The following CTTNBP2 variants were observed in gnomAD, a reference collection of about 807,000 sequenced individuals.
The protein encoded by CTTNBP2 is cortactin binding protein 2.
Under a neutral mutation model 156.9 loss-of-function variants are expected in CTTNBP2, and 108 were observed. That is an observed-to-expected ratio of 0.69 (90% CI 0.59 to 0.81). The LOEUF is 0.81. CTTNBP2 is among the 30% of genes least tolerant of loss of function. CTTNBP2 has a pLI of 0.00. For synonymous variants in CTTNBP2, 767 were observed against 751.8 expected (o/e 1.02, Z -0.33); for missense variants, 1,924 against 2,035.4 (o/e 0.95, Z 1.05).
At chr7:117,813,516 T>C (rs936163745) in intron 2 of CTTNBP2, among the ~76,000 whole-genome samples, 1 of 152,146 alleles carries the variant, frequency 6.6e-6, no homozygotes, top group African/African-American at 2.4e-5. Flanking sequence ...ACTTCCCTAT[T>C]GAACAGGACC....
At chr7:117,808,510 G>A (rs1035705064) in intron 3 of CTTNBP2, among the ~76,000 whole-genome samples, 2 of 152,164 alleles carry the variant, frequency 1.3e-5, no homozygotes, top group African/African-American at 2.4e-5. Context: ...AGGAGCCAAC[G>A]CATGAATGAG....
chr7:117,845,159 T>C (rs901118401), intron 2 of CTTNBP2, among the ~76,000 whole-genome samples: 2 of 152,144 alleles, frequency 1.3e-5, no homozygotes, highest in South Asian at 2.1e-4. Flanking sequence ...TTTTACCAAG[T>C]GAGGACCAAG....
At chr7:117,817,361 A>AATATAT (rs59036381) in intron 2 of CTTNBP2, among the ~76,000 whole-genome samples, 90 of 53,254 alleles carry the variant, frequency 1.7e-3, no homozygotes, top group African/African-American at 5.8e-3. Flanking sequence ...AAAAAAAAAA[A>AATATAT]ATATATATAT....
intron 15 of CTTNBP2, 79 bp downstream of exon 15, chr7:117,735,190 T>A: frequency 6.3e-7 from 1 of 1,587,678 alleles, no homozygotes. Flanking sequence ...ACATGAAGTA[T>A]AACTGGTACT....
At chr7:117,726,207 TA>T (rs1045646340) in intron 17 of CTTNBP2, among the ~76,000 whole-genome samples, 1 of 152,186 alleles carries the variant, frequency 6.6e-6, no homozygotes, top group Non-Finnish European at 1.5e-5. Context: ...GTTGCAGTAT[TA>T]AAAAACACTT....
At chr7:117,798,876 G>A (rs368144098) in intron 3 of CTTNBP2, among the ~76,000 whole-genome samples, 1 of 151,578 alleles carries the variant, frequency 6.6e-6, no homozygotes, top group African/African-American at 2.4e-5. Flanking sequence ...AATGAAAGAG[G>A]GGATATCACT....
At chr7:117,775,284 T>C (rs1798030697) in intron 8 of CTTNBP2, among the ~76,000 whole-genome samples, 1 of 152,118 alleles carries the variant, frequency 6.6e-6, no homozygotes, top group South Asian at 2.1e-4. Context: ...CTTGTGCTTC[T>C]TAAAGTAAAA....
At position 117,792,554 on chromosome 7, in the gene CTTNBP2, G is replaced by A. The variant is rs138336454; in HGVS notation, c.642C>T (p.Ser214=). ...KKTNELEEEL[S]AEKRRSTEME... is the part of the protein sequence containing the mutation. ...TTTCTGTGCTTCTTCGTTTCTCAGCGGAGAGTTCCTCTTCTAATTCATTCG... is the reference window on the plus strand; with the variant it reads ...TTTCTGTGCTTCTTCGTTTCTCAGCAGAGAGTTCCTCTTCTAATTCATTCG... The change falls in exon 4 of 23, where the codon TCC becomes TCT. Residue 214 remains serine, a synonymous_variant. Coordinates refer to ENST00000160373, the MANE Select transcript of CTTNBP2 (RefSeq NM_033427.3). The surrounding 1 kb of genome is among the most constrained non-coding windows in gnomAD (Gnocchi z 4.2). 120 of 1,614,110 alleles carry A rather than the reference G, an allele frequency of 7.4e-5. No homozygotes were observed. The African/African-American group carries it at 8.5e-4, about 11-fold the overall frequency.
At chr7:117,777,808 T>C in intron 7 of CTTNBP2, 43 bp from the exon 8 acceptor site, 1 of 1,556,380 alleles carries the variant, frequency 6.4e-7, no homozygotes, top group Non-Finnish European at 8.7e-7. Flanking sequence ...ATAACAACAT[T>C]AATGTCAAGG....
In CTTNBP2 at chr7:117,719,612, C is replaced by G. The variant is rs1398626082; in HGVS notation, c.4536G>C (p.Leu1512=). The G allele has an allele frequency of 1.2e-6, 2 of 1,613,710 alleles. No individual in the cohort carries two copies. Among genetic ancestry groups the G allele is most frequent in the Non-Finnish European group, 1.7e-6 (2 of 1,179,818 alleles). The change falls in exon 21 of 23, where the codon CTG becomes CTC. Residue 1512 remains leucine, a synonymous_variant. Coordinates refer to ENST00000160373, the MANE Select transcript of CTTNBP2 (RefSeq NM_033427.3). ...KQKSLENDLS[L]TLNLDQRLSL... ...AGAGTCTCTGATCCAAATTCAACGT[C>G]AGTGATAGATCATTCTCTAAAGACC...
chr7:117,753,404 G>A (rs937676683), intron 12 of CTTNBP2, among the ~76,000 whole-genome samples: 11 of 152,100 alleles, frequency 7.2e-5, no homozygotes, highest in Non-Finnish European at 1.0e-4. Context: ...CCATTACTGC[G>A]TATACACCCA....
chr7:117,725,052 C>G lies in CTTNBP2; in HGVS notation c.4261G>C (p.Glu1421Gln). The change falls in exon 18 of 23, where the codon GAG becomes CAG. Residue 1421 changes from glutamate (E) to glutamine (Q), a missense_variant and splice_region_variant. Coordinates refer to ENST00000160373, the MANE Select transcript of CTTNBP2 (RefSeq NM_033427.3). ...CTCCTCTCTGCAGAAACCCACATAC[C>G]TGCTCTGGGGAGGGGACAGCCATGC... The part of the protein sequence containing the change: ...VLHGCPLPRA[E>Q]LDQHTADFKG... 1 of 1,612,162 alleles carries G rather than the reference C, an allele frequency of 6.2e-7. No homozygotes were observed. The highest frequency in any genetic ancestry group is 1.3e-5 in the African/African-American group (1 of 75,000).
chr7:117,723,899 T>C (rs1417614865), intron 19 of CTTNBP2, among the ~76,000 whole-genome samples: 1 of 151,912 alleles, frequency 6.6e-6, no homozygotes, highest in Admixed American at 6.6e-5. Context: ...ATTACAAGCA[T>C]GCGCCACCAT....
chr7:117,730,221 C>A (rs1465643921), intron 16 of CTTNBP2, among the ~76,000 whole-genome samples: 5 of 152,142 alleles, frequency 3.3e-5, no homozygotes, highest in African/African-American at 1.2e-4. Flanking sequence ...TCTCAGCAAA[C>A]CCTTCTTCCT....
intron 22 of CTTNBP2, chr7:117,713,782 A>AT (rs1794187334): frequency 6.6e-6 from 1 of 152,220 alleles, no homozygotes; most frequent in South Asian, 2.1e-4. Flanking sequence ...TTGGGGTCAG[A>AT]TTTTCAGACT....
At chr7:117,712,742 G>C (rs948198992) in intron 22 of CTTNBP2, among the ~76,000 whole-genome samples, 3 of 152,138 alleles carry the variant, frequency 2.0e-5, no homozygotes, top group African/African-American at 7.2e-5. Flanking sequence ...GAATCACCTG[G>C]GGGAGCTTTA....
At chr7:117,720,313 A>G (rs1390099951) in intron 20 of CTTNBP2, among the ~76,000 whole-genome samples, 1 of 152,216 alleles carries the variant, frequency 6.6e-6, no homozygotes, top group Non-Finnish European at 1.5e-5. Flanking sequence ...CAAACTGCCT[A>G]AACATTTCTA....
intron 2 of CTTNBP2, among the ~76,000 whole-genome samples, chr7:117,843,914 T>C (rs1010466633): frequency 6.6e-6 from 1 of 152,146 alleles, no homozygotes; most frequent in African/African-American, 2.4e-5. Context: ...GATGTTGCGA[T>C]GTGATTAAGT....
In CTTNBP2 at chr7:117,735,351, T is replaced by G; in HGVS notation, c.3606A>C (p.Lys1202Asn). ...CCCTCAATAACTCCGACAGTGAAGA[T>G]TTTTCTAAATTTTCTAAAATGATGA... ...KIIIILENLE[K>N]SSLSELLRDF... Residue 1202 changes from lysine to asparagine, a missense_variant, in exon 15 of 23, where the codon AAA becomes AAC. Lys to Asn is a moderately conservative substitution (Grantham distance 94). Transcript: ENST00000160373. 6.2e-7 allele frequency: 1 copy of G among 1,613,712 alleles called. No homozygotes were observed. Among genetic ancestry groups the G allele is most frequent in the Non-Finnish European group, 8.5e-7 (1 of 1,179,636 alleles).
Sources: allele counts gnomAD v4.1 joint callset (sites outside exome capture counted in the v4.1 genomes callset), GRCh38; gene constraint gnomAD v4.1.1; non-coding constraint Gnocchi (gnomAD v3.1); transcripts MANE v1.5; gene names NCBI Gene and HGNC (gene_info 2026-07-23, HGNC 2026-07-21).